ANO7: variants seen among roughly 807,000 people sequenced by gnomAD.
ANO7 encodes anoctamin 7, also known as anoctamin-7.
In ANO7, 114 loss-of-function variants were observed where a neutral mutation model predicts 115.8. The ratio of observed to expected loss-of-function variants is 0.98; its 90% CI spans 0.85 to 1.15. The LOEUF (loss-of-function observed/expected upper bound fraction) is 1.15, where lower values mean the gene tolerates loss of function less well. ANO7 is among the 50% of genes most tolerant of loss of function. The pLI is 0.00. For missense variants in ANO7, 1,302 were observed against 1,201.2 expected (o/e 1.08, Z -1.24); for synonymous variants, 550 against 498.2 (o/e 1.10, Z -1.38).
intron 7 of ANO7, among the ~76,000 whole-genome samples, 167 bp from the exon 8 acceptor site, chr2:241,202,027 T>C (rs948999599): frequency 6.6e-6 from 1 of 152,226 alleles, no homozygotes; most frequent in Non-Finnish European, 1.5e-5. Flanking sequence ...TGCATGTGCA[T>C]GTGCGGTGGT....
At chr2:241,199,825 G>A (rs965389899) in intron 5 of ANO7, among the ~76,000 whole-genome samples, 3 of 152,190 alleles carry the variant, frequency 2.0e-5, no homozygotes, top group African/African-American at 7.2e-5. Context: ...CGTGCGGGTG[G>A]GAGACACGCT....
intron 15 of ANO7, 127 bp downstream of exon 15, chr2:241,210,697 T>G: frequency 1.2e-6 from 1 of 814,318 alleles, no homozygotes; most frequent in Non-Finnish European, 2.0e-6. Context: ...TTTTTTCTTT[T>G]GAGACAGGAT....
At chr2:241,218,489 C>T (rs1323136299) in intron 21 of ANO7, 108 bp downstream of exon 21, 4 of 909,366 alleles carry the variant, frequency 4.4e-6, no homozygotes, top group Non-Finnish European at 5.5e-6. Context: ...GGGCGGGCGC[C>T]GCCGGGCAAG....
chr2:241,217,917 CG>C (rs1233004530), intron 20 of ANO7, 26 bp downstream of exon 20: 1 of 794,476 alleles, frequency 1.3e-6, no homozygotes, highest in Non-Finnish European at 1.8e-6. Context: ...GAGCGCGGGG[CG>C]GGGCGGGGGC....
chr2:241,204,839 G>A lies in ANO7; in HGVS notation c.890-26G>A, dbSNP rs1401890619. On this transcript the variant is annotated intron_variant, in intron 9 of 24. Transcript: ENST00000674324. The stretch of plus-strand genomic sequence containing the variant: ...GGCCCCCAAGCCTGGGTTCCTGATG[G>A]TGGACCCCTGCCATCCTCTCTACAG... 9 of 1,602,118 alleles carry A rather than the reference G, an allele frequency of 5.6e-6. No individual in the cohort carries two copies. The Admixed American group carries it at 1.5e-4, about 27-fold the overall frequency.
rs762282243 is a variant in ANO7 at position 241,209,299 on chromosome 2, C to T, written c.1092C>T (p.Phe364=). The stretch of plus-strand genomic sequence containing the variant: ...CCCTGCCACAGGCCGGCCGGCTGTT[C>T]GACCACGGCGGCACCGTGTTCTTCA... ...ACALAQAGRL[F]DHGGTVFFSL... is the part of the protein sequence containing the mutation. The change falls in exon 12 of 25, where the codon TTC becomes TTT. Residue 364 remains phenylalanine, a synonymous_variant. Transcript: ENST00000674324. 34 of 1,556,708 alleles carry T rather than the reference C, an allele frequency of 2.2e-5. 1 individual carries two copies. In the East Asian group the frequency reaches 3.6e-4, roughly 17 times the overall value.
At chr2:241,201,025 G>A (rs909255763) in intron 6 of ANO7, among the ~76,000 whole-genome samples, 2 of 152,238 alleles carry the variant, frequency 1.3e-5, no homozygotes, top group African/African-American at 2.4e-5. Context: ...CCTGTGTGTG[G>A]TGAGGGGTTC....
chr2:241,196,046 T>G (rs1215598571), intron 4 of ANO7: 2 of 1,443,368 alleles, frequency 1.4e-6, no homozygotes, highest in Non-Finnish European at 1.8e-6. Flanking sequence ...TAAACATTGA[T>G]CCCTCCTGCA....
At chr2:241,190,434 T>C (rs1464194453) in intron 2 of ANO7, among the ~76,000 whole-genome samples, 2 of 152,162 alleles carry the variant, frequency 1.3e-5, no homozygotes, top group African/African-American at 4.8e-5. Context: ...AAGGGGGGCC[T>C]GGCCAGGCAA....
At chr2:241,218,722 T>C (rs566912481) in intron 21 of ANO7, among the ~76,000 whole-genome samples, 2 of 152,198 alleles carry the variant, frequency 1.3e-5, no homozygotes, top group African/African-American at 2.4e-5. Context: ...GGCAGACTCG[T>C]GTCTTCAGAG....
In ANO7 at chr2:241,189,664, A is replaced by G. The variant is rs1449938870; in HGVS notation, c.-7-393A>G. The stretch of plus-strand genomic sequence containing the variant: ...GAGGGGTTTCCTGTCCCTGGCTCAC[A>G]TGGCTCCACCCTACGGATAAGAGAG... On this transcript the variant is annotated intron_variant, in intron 1 of 24. Transcript: ENST00000674324. Among the ~76,000 whole-genome samples, 3 of 152,214 alleles carry G rather than the reference A, an allele frequency of 2.0e-5. No individual in the cohort carries two copies. In the East Asian group the frequency reaches 5.8e-4, roughly 29 times the overall value.
chr2:241,201,427 C>T (rs1285239159), intron 7 of ANO7, 72 bp downstream of exon 7: 1 of 1,524,508 alleles, frequency 6.6e-7, no homozygotes, highest in East Asian at 2.3e-5. Context: ...CCCCCAGCCT[C>T]CATGGATGCA....
At position 241,199,135 on chromosome 2, in the gene ANO7, G is replaced by T. The variant is rs1311050142; in HGVS notation, c.310-181G>T. The T allele has an allele frequency of 1.2e-5, 7 of 600,344 alleles. No individual in the cohort carries two copies. The South Asian group carries it at 1.3e-4, about 11-fold the overall frequency. 37.2% of individuals were successfully genotyped at this position (600,344 alleles called of 1,614,324 possible). ...TCCCAAACGGGGCTGTCGAGGCCCG[G>T]TTGGCTTTCAGAGGCGTATCCATGG... is the stretch of plus-strand genomic sequence containing the variant. On this transcript the variant is annotated intron_variant, in intron 4 of 24. Coordinates refer to ENST00000674324, the MANE Select transcript of ANO7 (RefSeq NM_001370694.2).
At position 241,203,763 on chromosome 2, in the gene ANO7, GACTC is replaced by G. The variant is rs2068527460; in HGVS notation, c.889+266_889+269del. Among the ~76,000 whole-genome samples the G allele has an allele frequency of 1.3e-5, 2 of 152,016 alleles. No individual in the cohort carries two copies. ...GCTTCTGCTGGTGGGGGTCTCTCCT[GACTC>G]CCTCCCCGAATGTCACTGGCCCATG... On this transcript the variant is annotated intron_variant, in intron 9 of 24. Transcript: ENST00000674324. This position sits in a 1 kb window ranked among gnomAD's most constrained non-coding sequence, Gnocchi z 4.8.
At chr2:241,219,145 T>G (rs1325880943) in intron 21 of ANO7, among the ~76,000 whole-genome samples, 1 of 152,248 alleles carries the variant, frequency 6.6e-6, no homozygotes, top group Non-Finnish European at 1.5e-5. Flanking sequence ...AGCAGGTAGA[T>G]GTACTTCACC....
At chr2:241,219,596 C>T (rs1021782665) in intron 21 of ANO7, among the ~76,000 whole-genome samples, 2 of 151,668 alleles carry the variant, frequency 1.3e-5, no homozygotes, top group African/African-American at 4.8e-5. Context: ...GAGACTGGGT[C>T]TTGCTCTGTA....
At chr2:241,231,002 G>A in the ANO7 span, 5 of 1,472,358 alleles carry the variant, frequency 3.4e-6, no homozygotes, top group Admixed American at 1.7e-5. Flanking sequence ...CCCGTCAGGG[G>A]CAAGAGCCGG....
chr2:241,191,001 C>A (rs2068187110), intron 2 of ANO7, among the ~76,000 whole-genome samples, 193 bp from the exon 3 acceptor site: 1 of 152,208 alleles, frequency 6.6e-6, no homozygotes, highest in Non-Finnish European at 1.5e-5. Context: ...CATCCTGTGC[C>A]CCCACACAGC....
intron 21 of ANO7, among the ~76,000 whole-genome samples, chr2:241,218,882 C>T (rs2068937813): frequency 6.6e-6 from 1 of 152,190 alleles, no homozygotes; most frequent in African/African-American, 2.4e-5. Context: ...TTTTACGGTG[C>T]TTTCTCATAC....
Sources: allele counts gnomAD v4.1 joint callset (sites outside exome capture counted in the v4.1 genomes callset), GRCh38; gene constraint gnomAD v4.1.1; non-coding constraint Gnocchi (gnomAD v3.1); transcripts MANE v1.5; gene names NCBI Gene and HGNC (gene_info 2026-07-23, HGNC 2026-07-21).